Variants in RELCH observed in about 807,000 individuals in gnomAD.
RELCH encodes RAB11 binding and LisH domain, coiled-coil and HEAT repeat containing, also known as RAB11-binding protein RELCH.
RELCH carries 41 observed loss-of-function variants against 150.3 expected under a neutral mutation model. The ratio of observed to expected loss-of-function variants is 0.27; its 90% CI spans 0.21 to 0.35. RELCH has a LOEUF of 0.35. Ranked by LOEUF, RELCH falls within the 10% of genes least tolerant of loss-of-function variation. RELCH has a pLI of 1.00. For synonymous variants in RELCH, 478 were observed against 531.8 expected (o/e 0.90, Z 1.39); for missense variants, 1,092 against 1,467.8 (o/e 0.74, Z 4.18).
chr18:62,257,852 T>C, intron 13 of RELCH, 96 bp from the exon 14 acceptor site: 1 of 957,056 alleles, frequency 1.0e-6, no homozygotes, highest in Non-Finnish European at 1.5e-6. Flanking sequence ...TAATACCTGT[T>C]TAATCTGGAT....
At chr18:62,200,873 A>G (rs1334866775) in intron 1 of RELCH, among the ~76,000 whole-genome samples, 1 of 151,168 alleles carries the variant, frequency 6.6e-6, no homozygotes, top group East Asian at 1.9e-4. Flanking sequence ...TATTTTTTTA[A>G]CTTTCATATT....
At chr18:62,188,684 T>C (rs2038356197) in intron 1 of RELCH, among the ~76,000 whole-genome samples, 1 of 152,230 alleles carries the variant, frequency 6.6e-6, no homozygotes, top group Admixed American at 6.5e-5. Flanking sequence ...TGTCTCACCA[T>C]CCCACCACCT....
At chr18:62,301,492 A>T (rs2045662184) in intron 28 of RELCH, among the ~76,000 whole-genome samples, 1 of 152,162 alleles carries the variant, frequency 6.6e-6, no homozygotes, top group Non-Finnish European at 1.5e-5. Flanking sequence ...TTTCAGTAAA[A>T]CTTTATTTAT....
intron 10 of RELCH, among the ~76,000 whole-genome samples, chr18:62,242,966 G>A (rs1252247259): frequency 2.6e-5 from 4 of 152,070 alleles, no homozygotes; most frequent in African/African-American, 9.7e-5. Flanking sequence ...TGATGGGAAA[G>A]CAGGAAGGGA....
intron 27 of RELCH, among the ~76,000 whole-genome samples, chr18:62,294,804 C>G (rs2145091628): frequency 6.6e-6 from 1 of 152,210 alleles, no homozygotes; most frequent in African/African-American, 2.4e-5. Context: ...ATGATGTGAG[C>G]TAGCATTCCA....
chr18:62,273,963 G>T lies in RELCH; in HGVS notation c.2761-17G>T. On this transcript the variant is annotated splice_polypyrimidine_tract_variant and intron_variant, in intron 20 of 28. Transcript: ENST00000644646. ...TTGATTGTTTGGAAATTCAGTATCA[G>T]TATTTTTCCTCTGTAGGAAGAAGAC... 1 of 1,466,886 alleles carries T rather than the reference G, an allele frequency of 6.8e-7. No homozygotes were observed. Among genetic ancestry groups the T allele is most frequent in the South Asian group, 1.1e-5 (1 of 87,438 alleles). 90.9% of individuals were successfully genotyped at this position (1,466,886 alleles called of 1,614,324 possible). A position where few individuals can be genotyped will look rare whatever the true frequency, so the allele number is the denominator to read the frequency against.
At chr18:62,248,475 C>G (rs1020275593) in intron 11 of RELCH, among the ~76,000 whole-genome samples, 1 of 152,094 alleles carries the variant, frequency 6.6e-6, no homozygotes, top group African/African-American at 2.4e-5. Flanking sequence ...GAACACTGGC[C>G]TCACCCACAA....
In RELCH at chr18:62,187,815, G is replaced by A. The variant is rs1344363917; in HGVS notation, c.310G>A (p.Asp104Asn). The change falls in exon 1 of 29, where the codon GAT becomes AAT. Residue 104 changes from aspartate (D) to asparagine (N), a missense_variant. Asp to Asn is a conservative substitution (Grantham distance 23). Coordinates refer to ENST00000644646, the MANE Select transcript of RELCH (RefSeq NM_001346231.2). ...TGCGATCGCTGCTCAGCTGTTGCGC[G>A]ATCAATACTTGCTGACCGCCCTGGA... The part of the protein sequence containing the change: ...IDAIAAQLLR[D>N]QYLLTALELH... 5 of 1,595,266 alleles carry A rather than the reference G, an allele frequency of 3.1e-6. No individual in the cohort carries two copies. The highest frequency in any genetic ancestry group is 1.1e-5 in the South Asian group (1 of 89,318).
chr18:62,233,050 T>C (rs939068037), intron 10 of RELCH, among the ~76,000 whole-genome samples: 4 of 151,878 alleles, frequency 2.6e-5, no homozygotes, highest in African/African-American at 9.7e-5. Flanking sequence ...TTTGCAAATA[T>C]ATTTGACTCC....
At chr18:62,208,262 C>T (rs1477412893) in intron 1 of RELCH, among the ~76,000 whole-genome samples, 2 of 150,932 alleles carry the variant, frequency 1.3e-5, no homozygotes, top group Non-Finnish European at 2.9e-5. Flanking sequence ...TTCTTTATAT[C>T]ATGTAGATAT....
chr18:62,205,870 T>A (rs551670253), intron 1 of RELCH, among the ~76,000 whole-genome samples: 44 of 151,616 alleles, frequency 2.9e-4, no homozygotes, highest in African/African-American at 7.0e-4. Flanking sequence ...ATAATTTTTT[T>A]AAAAAAATTA....
At chr18:62,194,908 C>T (rs1229580560) in intron 1 of RELCH, among the ~76,000 whole-genome samples, 1 of 152,028 alleles carries the variant, frequency 6.6e-6, no homozygotes, top group Non-Finnish European at 1.5e-5. Flanking sequence ...AAGAACAATG[C>T]AATCCTATTA....
chr18:62,226,205 G>T (rs1189440786), intron 5 of RELCH, among the ~76,000 whole-genome samples: 1 of 152,046 alleles, frequency 6.6e-6, no homozygotes. Flanking sequence ...ATTAAAGGAA[G>T]ATAGAATGGT....
chr18:62,241,462 C>CA lies in RELCH; in HGVS notation c.1621-3294dup, dbSNP rs200594483. ...AACACATAAGTTTTATTATGTGAAGCAAAAAAAATACCTCTTGGATCTAAT... is the reference window on the plus strand; with the variant it reads ...AACACATAAGTTTTATTATGTGAAGCAAAAAAAAATACCTCTTGGATCTAAT... On this transcript the variant is annotated intron_variant, in intron 10 of 28. Coordinates refer to ENST00000644646, the MANE Select transcript of RELCH (RefSeq NM_001346231.2). Among the ~76,000 whole-genome samples, 283 of 150,914 alleles carry CA rather than the reference C, an allele frequency of 1.9e-3. 3 individuals are homozygous for CA. The highest frequency in any genetic ancestry group is 6.6e-3 in the African/African-American group (271 of 41,194).
chr18:62,287,428 A>T lies in RELCH; in HGVS notation c.3331A>T (p.Thr1111Ser). Reference sequence around the variant, plus strand: ...GGATTCTAAAAGACTGGACATTGCTACGCATCTTTTTGAAGCCTACAGTGC... The same window carrying T: ...GGATTCTAAAAGACTGGACATTGCTTCGCATCTTTTTGAAGCCTACAGTGC... ...IVDSKRLDIATHLFEAYSALS... is the reference protein window; with the variant it reads ...IVDSKRLDIASHLFEAYSALS... The change falls in exon 26 of 29, where the codon ACG becomes TCG. Residue 1111 changes from threonine to serine, a missense_variant. Physicochemically the swap from Thr to Ser is moderately conservative, Grantham distance 58 (BLOSUM62 1). Coordinates refer to ENST00000644646, the MANE Select transcript of RELCH (RefSeq NM_001346231.2). 1 of 1,608,962 alleles carries T rather than the reference A, an allele frequency of 6.2e-7. No homozygotes were observed. Among genetic ancestry groups the T allele is most frequent in the Non-Finnish European group, 8.5e-7 (1 of 1,176,102 alleles).
rs200755883 is a variant in RELCH at position 62,268,961 on chromosome 18, T to A, written c.2760+13T>A. ...GTGTTATATTCAGGTAAGGGAAAAA[T>A]TCTTACTCTCTAGTAAAAGGCTTTC... On this transcript the variant is annotated intron_variant, in intron 20 of 28. Coordinates refer to ENST00000644646, the MANE Select transcript of RELCH (RefSeq NM_001346231.2). The A allele has an allele frequency of 1.4e-6, 2 of 1,413,784 alleles. No individual in the cohort carries two copies. The highest frequency in any genetic ancestry group is 1.9e-6 in the Non-Finnish European group (2 of 1,038,544). The allele number at this position is 1,413,784 out of a possible 1,614,324, so 87.6% of individuals were successfully genotyped here.
chr18:62,305,512 A>G lies in RELCH; in HGVS notation c.3629A>G (p.Asn1210Ser), dbSNP rs770389428. Residue 1210 changes from asparagine to serine, a missense_variant, in exon 29 of 29, where the codon AAT becomes AGT. Asn to Ser is a conservative substitution (Grantham distance 46, BLOSUM62 1). This residue lies in a region of RELCH where 707 missense variants were observed against 1,025.4 expected (regional missense o/e 0.69). Transcript: ENST00000644646. This position sits in a 1 kb window ranked among gnomAD's most constrained non-coding sequence, Gnocchi z 4.0. The stretch of plus-strand genomic sequence containing the variant: ...ACAACATCAGGTGCCATGTTGGCCA[A>G]TGTATTTCAGAGAAAGAAGTAGAAG... The part of the protein sequence containing the change: ...QLTTSGAMLA[N>S]VFQRKK 16 of 1,609,412 alleles carry G rather than the reference A, an allele frequency of 9.9e-6. No individual in the cohort carries two copies. The highest frequency in any genetic ancestry group is 2.2e-5 in the East Asian group (1 of 44,614).
intron 27 of RELCH, among the ~76,000 whole-genome samples, chr18:62,295,397 A>G (rs2045360872): frequency 7.0e-6 from 1 of 142,546 alleles, no homozygotes; most frequent in Non-Finnish European, 1.5e-5. Flanking sequence ...CAAATATTGC[A>G]CTTTTAGCTG....
At chr18:62,266,658 A>T in intron 18 of RELCH, 43 bp from the exon 19 acceptor site, 1 of 1,366,150 alleles carries the variant, frequency 7.3e-7, no homozygotes, top group Non-Finnish European at 1.0e-6. Flanking sequence ...CAATTTGCCC[A>T]TTGAACCTGA....
Sources: gnomAD v4.1 joint callset for allele counts (sites outside exome capture counted in the v4.1 genomes callset) on GRCh38, gnomAD v4.1.1 for gene constraint, gnomAD v4.1.1 regional missense constraint, Gnocchi (gnomAD v3.1) non-coding constraint, MANE v1.5 for transcripts, NCBI Gene and HGNC (gene_info 2026-07-23, HGNC 2026-07-21) for gene names.